TMTC1: variants seen among roughly 807,000 people sequenced by gnomAD.
TMTC1 encodes protein O-mannosyl-transferase TMTC1.
Under a neutral mutation model 104.8 loss-of-function variants are expected in TMTC1, and 73 were observed. That is an observed-to-expected ratio of 0.70 (90% CI 0.58 to 0.85). TMTC1 has a LOEUF of 0.85. TMTC1 is among the 40% of genes least tolerant of loss of function. TMTC1 has a pLI of 0.00. For missense variants in TMTC1, 1,035 were observed against 1,096.1 expected, an observed-to-expected ratio of 0.94 and a Z score of 0.79; for synonymous variants, 434 against 428.7, an observed-to-expected ratio of 1.01 and a Z score of -0.15.
intron 5 of TMTC1, among the ~76,000 whole-genome samples, chr12:29,681,099 C>CAAAAAAAAAAAAAAAAAAAAAAAA: frequency 9.3e-6 from 1 of 107,224 alleles, no homozygotes; most frequent in South Asian, 3.2e-4. Flanking sequence ...ACCCTGTCTC[C>CAAAAAAAAAAAAAAAAAAAAAAAA]AAAAAAAAAA....
In TMTC1 at chr12:29,610,802, C is replaced by T. The variant is rs1946826453; in HGVS notation, c.1129-6503G>A. Among the ~76,000 whole-genome samples, 4 of 152,292 alleles carry T rather than the reference C, an allele frequency of 2.6e-5. No homozygotes were observed. The South Asian group carries it at 8.3e-4, about 32-fold the overall frequency. ...TCCTCTTGTCTGAAAATAATGTGAACACTGAGTTGGGACAGAAAATGGCTC... is the reference window on the plus strand; with the variant it reads ...TCCTCTTGTCTGAAAATAATGTGAATACTGAGTTGGGACAGAAAATGGCTC... On this transcript the variant is annotated intron_variant, in intron 6 of 17. Transcript: ENST00000539277.
At chr12:29,667,874 C>T (rs548794818) in intron 5 of TMTC1, among the ~76,000 whole-genome samples, 132 of 152,242 alleles carry the variant, frequency 8.7e-4, no homozygotes, top group Non-Finnish European at 1.4e-3. Context: ...TGCTAAGCAC[C>T]TTACCATTTT....
intron 2 of TMTC1, among the ~76,000 whole-genome samples, chr12:29,761,670 G>C (rs888639194): frequency 3.3e-5 from 5 of 151,486 alleles, no homozygotes; most frequent in African/African-American, 1.2e-4. Flanking sequence ...GGTACCATAA[G>C]AGCTGAATGA....
intron 4 of TMTC1, among the ~76,000 whole-genome samples, chr12:29,753,295 T>TCCACGACCCC (rs1943135761): frequency 6.6e-6 from 1 of 151,968 alleles, no homozygotes; most frequent in Non-Finnish European, 1.5e-5. Context: ...TTCTCAAGAG[T>TCCACGACCCC]CCACGACCCC....
intron 5 of TMTC1, among the ~76,000 whole-genome samples, chr12:29,676,665 C>CT (rs1371554115): frequency 6.6e-6 from 1 of 152,218 alleles, no homozygotes; most frequent in African/African-American, 2.4e-5. Flanking sequence ...GGCACAGTCT[C>CT]TCTTCAAGAC....
intron 10 of TMTC1, among the ~76,000 whole-genome samples, chr12:29,554,389 T>C (rs1479372993): frequency 6.6e-6 from 1 of 152,104 alleles, no homozygotes; most frequent in Non-Finnish European, 1.5e-5. Flanking sequence ...TTAGTTTTAA[T>C]ATCACTGTTA....
chr12:29,659,734 T>C (rs1939925999), intron 5 of TMTC1: 1 of 607,946 alleles, frequency 1.6e-6, no homozygotes, highest in Admixed American at 3.3e-5. Flanking sequence ...GCTTTATTTA[T>C]TGGAAACAAT....
chr12:29,508,113 T>C (rs1289165148), intron 17 of TMTC1, among the ~76,000 whole-genome samples: 6 of 152,210 alleles, frequency 3.9e-5, no homozygotes, highest in Non-Finnish European at 7.3e-5. Flanking sequence ...TCTGTATCAA[T>C]AGTGTCTATT....
chr12:29,539,076 A>G (rs1023510371), intron 10 of TMTC1, among the ~76,000 whole-genome samples: 2 of 152,194 alleles, frequency 1.3e-5, no homozygotes, highest in African/African-American at 4.8e-5. Context: ...AATGAAGAGA[A>G]TATTTCTTCT....
At chr12:29,586,167 T>C (rs1002452683) in intron 7 of TMTC1, among the ~76,000 whole-genome samples, 5 of 152,304 alleles carry the variant, frequency 3.3e-5, no homozygotes, top group Non-Finnish European at 5.9e-5. Flanking sequence ...CCCTTGTAAG[T>C]TGGATTCCTA....
intron 5 of TMTC1, among the ~76,000 whole-genome samples, chr12:29,710,593 A>C (rs989751536): frequency 7.0e-6 from 1 of 143,686 alleles, no homozygotes; most frequent in Non-Finnish European, 1.5e-5. Flanking sequence ...ATTTATATTT[A>C]TTATACTTAT....
chr12:29,602,355 G>A (rs554782729), intron 7 of TMTC1, among the ~76,000 whole-genome samples: 1 of 152,190 alleles, frequency 6.6e-6, no homozygotes, highest in African/African-American at 2.4e-5. Flanking sequence ...TGTTGCCCAG[G>A]CTGGCCTCAA....
chr12:29,687,700 C>G (rs1941138754), intron 5 of TMTC1, among the ~76,000 whole-genome samples: 1 of 152,172 alleles, frequency 6.6e-6, no homozygotes, highest in Non-Finnish European at 1.5e-5. Context: ...TTAAACAACA[C>G]AAATTTATTT....
At chr12:29,680,928 T>C (rs1304234261) in intron 5 of TMTC1, among the ~76,000 whole-genome samples, 1 of 151,876 alleles carries the variant, frequency 6.6e-6, no homozygotes, top group Non-Finnish European at 1.5e-5. Context: ...TGAAACCCCA[T>C]CTCTACCAAA....
chr12:29,697,064 G>T (rs1243630669), intron 5 of TMTC1, among the ~76,000 whole-genome samples: 1 of 152,144 alleles, frequency 6.6e-6, no homozygotes, highest in Non-Finnish European at 1.5e-5. Flanking sequence ...TGCTTGCATT[G>T]TTTACCAATT....
intron 5 of TMTC1, among the ~76,000 whole-genome samples, chr12:29,686,312 A>T (rs1391865805): frequency 6.6e-6 from 1 of 152,164 alleles, no homozygotes; most frequent in Non-Finnish European, 1.5e-5. Context: ...TTATTATCAT[A>T]TTAAACATTA....
intron 5 of TMTC1, among the ~76,000 whole-genome samples, chr12:29,654,223 T>C (rs1020370657): frequency 2.6e-5 from 4 of 152,124 alleles, no homozygotes; most frequent in African/African-American, 7.2e-5. Context: ...TAGAATATAT[T>C]AAGAAAAATG....
At chr12:29,572,888 T>G (rs1447984744) in intron 8 of TMTC1, among the ~76,000 whole-genome samples, 1 of 152,200 alleles carries the variant, frequency 6.6e-6, no homozygotes, top group Non-Finnish European at 1.5e-5. Flanking sequence ...AAAAAAAGAT[T>G]TAATGGTTTT....
Position 29,512,025 on chromosome 12 carries a change from A to G in TMTC1, c.2508+18T>C. 1.2e-6 allele frequency: 2 copies of G among 1,611,740 alleles called. No homozygotes were observed. The highest frequency in any genetic ancestry group is 1.7e-6 in the Non-Finnish European group (2 of 1,177,796). ...AGGGGGAAAGCCCGGTCCACATGGG[A>G]GTGAATTATTCTCCTACCTTGATGT... is the stretch of plus-strand genomic sequence containing the variant. On this transcript the variant is annotated intron_variant, in intron 17 of 17. Coordinates refer to ENST00000539277, the MANE Select transcript of TMTC1 (RefSeq NM_001193451.2).
Sources: gnomAD v4.1 joint callset for allele counts (sites outside exome capture counted in the v4.1 genomes callset) on GRCh38, gnomAD v4.1.1 for gene constraint, MANE v1.5 for transcripts, NCBI Gene and HGNC (gene_info 2026-07-23, HGNC 2026-07-21) for gene names.